Variants in TATDN2 observed in about 807,000 individuals in gnomAD.
TATDN2 encodes 3'-5' RNA nuclease TATDN2.
A neutral mutation model predicts 60.3 loss-of-function variants in TATDN2; 44 were observed. That is an observed-to-expected ratio of 0.73 (90% CI 0.57 to 0.94). TATDN2 has a LOEUF of 0.94. Among genes scored for constraint, TATDN2 ranks in the 40% least tolerant of loss-of-function variants. TATDN2 has a pLI of 0.00. For missense variants in TATDN2, 997 were observed against 948.0 expected, an observed-to-expected ratio of 1.05 and a Z score of -0.68; for synonymous variants, 399 against 355.8, an observed-to-expected ratio of 1.12 and a Z score of -1.37.
At chr3:10,262,782 GC>G (rs2125175749) in intron 3 of TATDN2, among the ~76,000 whole-genome samples, 1 of 152,166 alleles carries the variant, frequency 6.6e-6, no homozygotes, top group African/African-American at 2.4e-5. Flanking sequence ...TGATCCACCT[GC>G]CTAGGCTTCC....
In TATDN2 at chr3:10,248,476, G is replaced by C. The variant is rs1698163191; in HGVS notation, c.-598G>C. 6.6e-6 allele frequency: 1 copy of C among 152,130 alleles called. No individual in the cohort carries two copies. The highest frequency in any genetic ancestry group is 1.5e-5 in the Non-Finnish European group (1 of 68,004). The allele number at this position is 152,130 out of a possible 1,614,324, so 9.4% of individuals were successfully genotyped here. A position where few individuals can be genotyped will look rare whatever the true frequency, so the allele number is the denominator to read the frequency against. ...CCGCCCCTGTCGCTCTCCGGCCTGC[G>C]GGCCGCAGGGCTCGTTCCGGAGGGC... is the stretch of plus-strand genomic sequence containing the variant. On this transcript the variant is annotated 5_prime_UTR_variant, in exon 1 of 8. Transcript: ENST00000448281.
rs777645490 is a variant in TATDN2, at chr3:10,270,451, T to C, written c.1269T>C (p.Ser423=). The C allele has an allele frequency of 2.2e-4, 359 of 1,614,114 alleles. 2 individuals carry two copies. In the Middle Eastern group the frequency reaches 9.4e-3, roughly 42 times the overall value. Residue 423 remains serine, a synonymous_variant, in exon 4 of 8, where the codon TCT becomes TCC. Transcript: ENST00000448281. ...GCATGAGTGATTATTCCCCCAACTC[T>C]ACAGGGAGTGTCCAAAACACCTCCA... ...RSRMSDYSPN[S]TGSVQNTSRD...
chr3:10,264,360 G>A (rs1395305424), intron 3 of TATDN2, among the ~76,000 whole-genome samples: 8 of 152,168 alleles, frequency 5.3e-5, no homozygotes, highest in Admixed American at 2.0e-4. Flanking sequence ...CCTCCAGTGC[G>A]TGATCACTGT....
rs749573692 is a variant in TATDN2 at position 10,278,455 on chromosome 3, C to T, written c.2138C>T (p.Pro713Leu). Residue 713 changes from proline (P) to leucine (L), a missense_variant, in exon 6 of 8, where the codon CCT (proline) becomes CTT (leucine). By Grantham distance (98) the Pro-to-Leu change is moderately conservative. Coordinates refer to ENST00000448281, the MANE Select transcript of TATDN2 (RefSeq NM_014760.4). The surrounding 1 kb of genome is among the most constrained non-coding windows in gnomAD (Gnocchi z 4.7). ...IVETDAPYFL[P>L]RQVPKSLCQY... The stretch of plus-strand genomic sequence containing the variant: ...GAAACGGATGCTCCCTATTTCCTCC[C>T]TCGCCAGGTAAGGGGGTCTTCAGGC... 1.2e-6 allele frequency: 2 copies of T among 1,611,534 alleles called. No individual in the cohort carries two copies. The highest frequency in any genetic ancestry group is 1.7e-6 in the Non-Finnish European group (2 of 1,177,976).
At chr3:10,254,371 C>A (rs1559459249) in intron 2 of TATDN2, among the ~76,000 whole-genome samples, 1 of 152,172 alleles carries the variant, frequency 6.6e-6, no homozygotes, top group African/African-American at 2.4e-5. Context: ...GCATAGGGAG[C>A]AATACATGCC....
At chr3:10,263,661 T>G (rs1344680186) in intron 3 of TATDN2, among the ~76,000 whole-genome samples, 2 of 152,226 alleles carry the variant, frequency 1.3e-5, no homozygotes, top group Non-Finnish European at 2.9e-5. Context: ...TTATCTCTTT[T>G]AGGGAGTTCA....
chr3:10,265,550 C>T (rs1004279220), intron 3 of TATDN2, among the ~76,000 whole-genome samples: 4 of 149,548 alleles, frequency 2.7e-5, no homozygotes, highest in African/African-American at 7.4e-5. Flanking sequence ...GGTATGGTGG[C>T]GTGCACCTGT....
Position 10,278,388 on chromosome 3 carries a change from C to T in TATDN2, c.2071C>T (p.Arg691Trp), listed in dbSNP as rs764786371. Residue 691 changes from arginine (R) to tryptophan (W), a missense_variant, in exon 6 of 8, where the codon CGG becomes TGG. By Grantham distance (101) the Arg-to-Trp change is moderately radical. Coordinates refer to ENST00000448281, the MANE Select transcript of TATDN2 (RefSeq NM_014760.4). This position sits in a 1 kb window ranked among gnomAD's most constrained non-coding sequence, Gnocchi z 4.7. ...VLTYSSAWEA[R>W]EALRQIPLER... ...GACATACTCCTCTGCCTGGGAGGCCCGGGAAGCCTTGAGGCAGATCCCACT... is the reference window on the plus strand; with the variant it reads ...GACATACTCCTCTGCCTGGGAGGCCTGGGAAGCCTTGAGGCAGATCCCACT... The T allele has an allele frequency of 9.9e-6, 16 of 1,613,986 alleles. No individual in the cohort carries two copies. The highest frequency in any genetic ancestry group is 3.3e-5 in the Admixed American group (2 of 59,992).
intron 3 of TATDN2, among the ~76,000 whole-genome samples, chr3:10,265,038 T>G: frequency 7.4e-6 from 1 of 134,996 alleles, no homozygotes. Flanking sequence ...TTTTTTCCTG[T>G]GCGTGGTTTT....
At chr3:10,269,462 A>G (rs1002556401) in intron 3 of TATDN2, among the ~76,000 whole-genome samples, 3 of 152,190 alleles carry the variant, frequency 2.0e-5, no homozygotes, top group African/African-American at 7.2e-5. Flanking sequence ...TAATTTCAGC[A>G]TTTTGGGAGG....
At chr3:10,269,359 CA>C (rs1559463138) in intron 3 of TATDN2, among the ~76,000 whole-genome samples, 21 of 152,336 alleles carry the variant, frequency 1.4e-4, no homozygotes, top group Middle Eastern at 3.4e-3. Flanking sequence ...GGGGAGGGGT[CA>C]TAGACCCCAC....
intron 2 of TATDN2, among the ~76,000 whole-genome samples, chr3:10,256,718 C>T (rs1243910454): frequency 1.3e-5 from 2 of 152,058 alleles, no homozygotes; most frequent in Non-Finnish European, 2.9e-5. Flanking sequence ...TTGCAGATCT[C>T]ACCCTCTGTG....
intron 3 of TATDN2, 40 bp downstream of exon 3, chr3:10,260,710 T>C (rs1425502841): frequency 6.3e-7 from 1 of 1,581,936 alleles, no homozygotes; most frequent in Admixed American, 1.8e-5. Flanking sequence ...TTTTTAGTTC[T>C]GTTGATGAAA....
chr3:10,274,888 T>A (rs747505670), intron 4 of TATDN2, among the ~76,000 whole-genome samples: 34 of 152,224 alleles, frequency 2.2e-4, no homozygotes, highest in Non-Finnish European at 4.0e-4. Flanking sequence ...AAAAAGTATC[T>A]CATTGTTTGA....
At chr3:10,266,205 T>C (rs1187489474) in intron 3 of TATDN2, among the ~76,000 whole-genome samples, 4 of 152,244 alleles carry the variant, frequency 2.6e-5, no homozygotes, top group Non-Finnish European at 5.9e-5. Context: ...AAAAACTATA[T>C]GCTATATATA....
rs144351497 is a variant in TATDN2, at chr3:10,249,399, C to T, written c.199C>T (p.Arg67Trp). The T allele has an allele frequency of 6.9e-4, 1,117 of 1,612,874 alleles. No individual in the cohort carries two copies. Among genetic ancestry groups the T allele is most frequent in the Non-Finnish European group, 8.9e-4 (1,050 of 1,179,702 alleles). ...GAAGGAGGACGATGTGGCTTGCTCG[C>T]GGAGGTTATCCTGGGGCTCATCCCG... ...AQKEDDVACS[R>W]RLSWGSSRRR... The change falls in exon 2 of 8, where the codon CGG (arginine) becomes TGG (tryptophan). Residue 67 changes from arginine to tryptophan, a missense_variant. By Grantham distance (101) the Arg-to-Trp change is moderately radical (BLOSUM62 -3). Coordinates refer to ENST00000448281, the MANE Select transcript of TATDN2 (RefSeq NM_014760.4).
At chr3:10,251,225 T>C (rs564974741) in intron 2 of TATDN2, among the ~76,000 whole-genome samples, 22 of 152,176 alleles carry the variant, frequency 1.4e-4, no homozygotes, top group Non-Finnish European at 7.4e-5. Flanking sequence ...GGAGGAGTGG[T>C]CGCATGACTG....
intron 3 of TATDN2, among the ~76,000 whole-genome samples, chr3:10,269,223 G>A (rs1207591623): frequency 1.3e-5 from 2 of 152,250 alleles, no homozygotes; most frequent in African/African-American, 2.4e-5. Flanking sequence ...TTGCTCCAGA[G>A]TGAGCAAGTG....
At chr3:10,271,157 T>C (rs1698558216) in intron 4 of TATDN2, 142 bp downstream of exon 4, 2 of 1,017,856 alleles carry the variant, frequency 2.0e-6, no homozygotes, top group Non-Finnish European at 1.3e-6. Context: ...ATCCAGACCA[T>C]CTAGATGCCA....
Sources: gnomAD v4.1 joint callset for allele counts (sites outside exome capture counted in the v4.1 genomes callset) on GRCh38, gnomAD v4.1.1 for gene constraint, Gnocchi (gnomAD v3.1) non-coding constraint, MANE v1.5 for transcripts, NCBI Gene and HGNC (gene_info 2026-07-23, HGNC 2026-07-21) for gene names.